TTC17: variants seen among roughly 807,000 people sequenced by gnomAD.
TTC17 encodes the protein tetratricopeptide repeat protein 17.
Under a neutral mutation model 143.8 loss-of-function variants are expected in TTC17, and 58 were observed. The observed-to-expected ratio is 0.40, with a 90% CI of 0.33 to 0.50. The LOEUF is 0.50. TTC17 is among the 20% of genes least tolerant of loss of function. The pLI is 0.49. For missense variants in TTC17, 1,273 were observed against 1,392.5 expected (o/e 0.91, Z 1.37); for synonymous variants, 501 against 497.8 (o/e 1.01, Z -0.09).
chr11:43,404,185 G>T, intron 11 of TTC17, 41 bp downstream of exon 11: 1 of 1,575,740 alleles, frequency 6.3e-7, no homozygotes, highest in Admixed American at 1.8e-5. Flanking sequence ...TCTCAAACTG[G>T]CAAGATCCAT....
At chr11:43,383,899 G>A (rs1349226797) in intron 2 of TTC17, among the ~76,000 whole-genome samples, 2 of 152,074 alleles carry the variant, frequency 1.3e-5, no homozygotes, top group Non-Finnish European at 2.9e-5. Flanking sequence ...AGGTGTGGTG[G>A]CCCACACCTG....
At position 43,404,077 on chromosome 11, in the gene TTC17, C is replaced by G. The variant is rs772131550; in HGVS notation, c.1412C>G (p.Ser471Trp). The stretch of plus-strand genomic sequence containing the variant: ...TCAAATCAGAGTGATATCAATGATT[C>G]GGTCAAGTCTTCTCCCGTAGCCCAT... ...VQSNQSDIND[S>W]VKSSPVAHSI... is the part of the protein sequence containing the mutation. Residue 471 changes from serine to tryptophan, a missense_variant, in exon 11 of 24, where the codon TCG becomes TGG. By Grantham distance (177) the Ser-to-Trp change is radical. Coordinates refer to ENST00000039989, the MANE Select transcript of TTC17 (RefSeq NM_018259.6). The G allele has an allele frequency of 2.4e-5, 38 of 1,613,026 alleles. No homozygotes were observed. The highest frequency in any genetic ancestry group is 2.8e-5 in the Non-Finnish European group (33 of 1,179,448).
chr11:43,471,762 C>T (rs763485325), intron 21 of TTC17, among the ~76,000 whole-genome samples: 24 of 152,156 alleles, frequency 1.6e-4, no homozygotes, highest in Admixed American at 4.6e-4. Context: ...GTTGAAGATG[C>T]AAGTTGCAAT....
At chr11:43,444,652 C>T (rs192280169) in intron 18 of TTC17, 1 of 153,832 alleles carries the variant, frequency 6.5e-6, no homozygotes, top group Non-Finnish European at 1.4e-5. Context: ...AGAGCACCTA[C>T]AAATCAATAT....
chr11:43,430,671 A>G (rs1421016731), intron 16 of TTC17, among the ~76,000 whole-genome samples: 1 of 149,046 alleles, frequency 6.7e-6, no homozygotes, highest in Non-Finnish European at 1.5e-5. Context: ...ATTGGTAGAA[A>G]TGGACTCTAT....
chr11:43,363,763 G>C (rs1160963821), intron 1 of TTC17, among the ~76,000 whole-genome samples: 3 of 152,180 alleles, frequency 2.0e-5, no homozygotes, highest in Non-Finnish European at 4.4e-5. Context: ...AAATGGATTA[G>C]TCTGCAGTAG....
chr11:43,489,471 C>T (rs149634861), intron 21 of TTC17, among the ~76,000 whole-genome samples: 353 of 152,246 alleles, frequency 2.3e-3, no homozygotes, highest in African/African-American at 8.3e-3. Context: ...GGCATGGTGG[C>T]TTATGCCTGT....
intron 15 of TTC17, among the ~76,000 whole-genome samples, chr11:43,408,520 G>A (rs547354578): frequency 4.6e-5 from 7 of 152,250 alleles, no homozygotes; most frequent in South Asian, 2.1e-4. Flanking sequence ...AATGGAAAGC[G>A]CAATGCAGCC....
At chr11:43,492,302 A>G (rs745776042) in intron 23 of TTC17, 139 bp downstream of exon 23, 111 of 1,173,916 alleles carry the variant, frequency 9.5e-5, no homozygotes, top group Admixed American at 1.7e-4. Flanking sequence ...CCAATGTTAT[A>G]TTTTATGGAT....
chr11:43,376,088 A>G (rs1424953364), intron 1 of TTC17, among the ~76,000 whole-genome samples: 12 of 152,364 alleles, frequency 7.9e-5, no homozygotes, highest in African/African-American at 1.2e-4. Flanking sequence ...GCAGAATCCA[A>G]AATGCTGCAG....
intron 21 of TTC17, among the ~76,000 whole-genome samples, chr11:43,465,921 A>T (rs1947963092): frequency 6.6e-6 from 1 of 152,240 alleles, no homozygotes; most frequent in African/African-American, 2.4e-5. Flanking sequence ...AAATGTAAAA[A>T]TAGACAAAGT....
In TTC17 at chr11:43,407,408, T is replaced by A; in HGVS notation, c.1895T>A (p.Val632Glu). The change falls in exon 15 of 24, where the codon GTA (valine) becomes GAA (glutamate). Residue 632 changes from valine to glutamate, a missense_variant. Coordinates refer to ENST00000039989, the MANE Select transcript of TTC17 (RefSeq NM_018259.6). ...LNEAGLYWRA[V>E]GNSTFAIACL... ...GAAGCTGGACTATACTGGAGAGCAG[T>A]AGGAAATAGCACTTTTGCTATTGCC... 6.2e-7 allele frequency: 1 copy of A among 1,614,016 alleles called. No individual in the cohort carries two copies. Among genetic ancestry groups the A allele is most frequent in the Non-Finnish European group, 8.5e-7 (1 of 1,179,982 alleles).
At position 43,492,083 on chromosome 11, in the gene TTC17, ATAG is replaced by A; in HGVS notation, c.3218_3220del (p.Val1073del). ...TGCCAAGCTCTGGAATGACGCCGTCATAGTAGCCACCATGGCAGTAGAGATCGC... is the reference window on the plus strand; with the variant it reads ...TGCCAAGCTCTGGAATGACGCCGTCATAGCCACCATGGCAGTAGAGATCGC... On this transcript the variant is annotated inframe_deletion, in exon 23 of 24. Coordinates refer to ENST00000039989, the MANE Select transcript of TTC17 (RefSeq NM_018259.6). The A allele has an allele frequency of 6.2e-7, 1 of 1,614,156 alleles. No individual in the cohort carries two copies. Among genetic ancestry groups the A allele is most frequent in the South Asian group, 1.1e-5 (1 of 91,076 alleles).
At chr11:43,371,011 G>A (rs1230443965) in intron 1 of TTC17, among the ~76,000 whole-genome samples, 1 of 116,930 alleles carries the variant, frequency 8.6e-6, no homozygotes, top group Non-Finnish European at 2.0e-5. Context: ...TATGTTGTTC[G>A]GGGAGGGGAG....
chr11:43,426,183 T>G (rs1295076020), intron 16 of TTC17, among the ~76,000 whole-genome samples: 1 of 152,180 alleles, frequency 6.6e-6, no homozygotes, highest in African/African-American at 2.4e-5. Context: ...AAACCTAATA[T>G]GAACAAATTA....
Position 43,389,741 on chromosome 11 carries a change from C to A in TTC17, c.339C>A (p.Asp113Glu). The change falls in exon 3 of 24, where the codon GAC becomes GAA. Residue 113 changes from aspartate (D) to glutamate (E), a missense_variant. This residue lies in a region of TTC17 where 325 missense variants were observed against 444.2 expected (regional missense o/e 0.73). Transcript: ENST00000039989. Reference protein sequence around the residue: ...LEQRHNKEDPDCIKAKVPLGD... With the variant: ...LEQRHNKEDPECIKAKVPLGD... ...AGAGACATAATAAAGAAGACCCAGA[C>A]TGCATCAAAGCCAAGGTGCCCTTAG... 6.2e-7 allele frequency: 1 copy of A among 1,614,110 alleles called. No homozygotes were observed. Among genetic ancestry groups the A allele is most frequent in the Non-Finnish European group, 8.5e-7 (1 of 1,179,990 alleles).
chr11:43,432,627 G>A (rs892140453), intron 16 of TTC17, among the ~76,000 whole-genome samples: 1 of 152,030 alleles, frequency 6.6e-6, no homozygotes, highest in Non-Finnish European at 1.5e-5. Flanking sequence ...CCCCATTTTT[G>A]TGTCAGCAAA....
At position 43,398,042 on chromosome 11, in the gene TTC17, G is replaced by A. The variant is rs1203475333; in HGVS notation, c.987G>A (p.Glu329=). Residue 329 remains glutamate (E), a synonymous_variant, in exon 8 of 24, where the codon GAG becomes GAA. Transcript: ENST00000039989. The part of the protein sequence containing the change: ...DHALQARPGF[E]QAIKRKHAVL... ...CTTTGCAGGCCAGACCTGGGTTTGA[G>A]CAAGCTATAAAGAGGAAGCATGCTG... 1 of 1,613,730 alleles carries A rather than the reference G, an allele frequency of 6.2e-7. No homozygotes were observed. The highest frequency in any genetic ancestry group is 8.5e-7 in the Non-Finnish European group (1 of 1,179,982).
At chr11:43,419,986 A>G (rs1396198702) in intron 16 of TTC17, among the ~76,000 whole-genome samples, 1 of 152,210 alleles carries the variant, frequency 6.6e-6, no homozygotes, top group Admixed American at 6.5e-5. Context: ...ACAAAACCAG[A>G]TGTACTTCTG....
Sources: gnomAD v4.1 joint callset for allele counts (sites outside exome capture counted in the v4.1 genomes callset) on GRCh38, gnomAD v4.1.1 for gene constraint, gnomAD v4.1.1 regional missense constraint, MANE v1.5 for transcripts, NCBI Gene and HGNC (gene_info 2026-07-23, HGNC 2026-07-21) for gene names.